ZNF365: variants seen among roughly 807,000 people sequenced by gnomAD.
ZNF365 encodes the protein zinc finger protein 365.
Under a neutral mutation model 35.0 loss-of-function variants are expected in ZNF365, and 22 were observed. The ratio of observed to expected loss-of-function variants is 0.63; its 90% confidence interval spans 0.45 to 0.90. ZNF365 has a LOEUF of 0.90. ZNF365 is among the 40% of genes least tolerant of loss of function. The probability of loss-of-function intolerance (pLI) is 0.00; values close to 1 mark genes in which losing one functional copy is unlikely to be tolerated. For missense variants in ZNF365, 448 were observed against 500.3 expected (o/e 0.90, Z 1.00); for synonymous variants, 188 against 196.2 (o/e 0.96, Z 0.35).
intron 3 of ZNF365, among the ~76,000 whole-genome samples, chr10:62,446,688 A>G (rs1207674787): frequency 6.6e-6 from 1 of 152,146 alleles, no homozygotes; most frequent in Non-Finnish European, 1.5e-5. Context: ...GGGGGAAAAA[A>G]TCCATTCAAA....
At chr10:62,418,817 AG>A (rs1334251600) in intron 3 of ZNF365, among the ~76,000 whole-genome samples, 4 of 152,234 alleles carry the variant, frequency 2.6e-5, no homozygotes, top group Admixed American at 2.6e-4. Flanking sequence ...AGGCAGATAA[AG>A]CCTAGAAGAG....
At chr10:62,467,018 T>A (rs1270800569) in intron 4 of ZNF365, among the ~76,000 whole-genome samples, 1 of 152,146 alleles carries the variant, frequency 6.6e-6, no homozygotes, top group Admixed American at 6.5e-5. Flanking sequence ...AGACCATTAA[T>A]GAGAAAAACA....
At position 62,418,192 on chromosome 10, in the gene ZNF365, A is replaced by G. The variant is rs150094371; in HGVS notation, c.924+29616A>G. On this transcript the variant is annotated intron_variant, in intron 3 of 4. Transcript: ENST00000395255. ...GTATTGATATTTGAACATCAAAATG[A>G]AAGTCTCAACCCTGGTCAATATTTC... 6.8e-4 allele frequency among the ~76,000 whole-genome samples: 103 copies of G among 152,178 alleles called. 1 individual carries two copies. Among genetic ancestry groups the G allele is most frequent in the African/African-American group, 2.3e-3 (97 of 41,550 alleles).
At chr10:62,441,448 TAG>T (rs776165862) in intron 3 of ZNF365, among the ~76,000 whole-genome samples, 5 of 152,166 alleles carry the variant, frequency 3.3e-5, no homozygotes, top group Non-Finnish European at 5.9e-5. Context: ...CTTTATTTTA[TAG>T]ATAAGAAAAT....
At chr10:62,445,980 G>T (rs1397202818) in intron 3 of ZNF365, among the ~76,000 whole-genome samples, 1 of 152,128 alleles carries the variant, frequency 6.6e-6, no homozygotes, top group East Asian at 1.9e-4. Flanking sequence ...TATAGATTGG[G>T]TTGAGCTGAT....
intron 3 of ZNF365, chr10:62,459,735 T>C (rs1283940878): frequency 6.2e-7 from 1 of 1,607,604 alleles, no homozygotes; most frequent in Non-Finnish European, 8.5e-7. Flanking sequence ...CTTCTTTTCC[T>C]TTCAGAGCTG....
At chr10:62,469,427 T>C (rs1212289048) in intron 4 of ZNF365, among the ~76,000 whole-genome samples, 1 of 152,174 alleles carries the variant, frequency 6.6e-6, no homozygotes, top group African/African-American at 2.4e-5. Context: ...CAGTTAGTAA[T>C]GTAAAAAAAG....
intron 3 of ZNF365, among the ~76,000 whole-genome samples, chr10:62,445,889 C>T (rs929842568): frequency 3.3e-5 from 5 of 152,036 alleles, no homozygotes; most frequent in Admixed American, 1.3e-4. Flanking sequence ...TGGAACGAGG[C>T]AGAGATCCAG....
intron 3 of ZNF365, among the ~76,000 whole-genome samples, chr10:62,409,171 T>TGGCTGTGTA (rs1329330836): frequency 6.6e-6 from 1 of 152,134 alleles, no homozygotes; most frequent in African/African-American, 2.4e-5. Flanking sequence ...AGGAATTAAC[T>TGGCTGTGTA]TAAAGAGGTA....
intron 3 of ZNF365, among the ~76,000 whole-genome samples, chr10:62,455,376 A>T (rs554399817): frequency 6.6e-6 from 1 of 152,198 alleles, no homozygotes; most frequent in African/African-American, 2.4e-5. Flanking sequence ...GATGTAGAAC[A>T]CTGTTCATCT....
At chr10:62,463,548 C>T (rs1367973068) in intron 4 of ZNF365, among the ~76,000 whole-genome samples, 1 of 152,214 alleles carries the variant, frequency 6.6e-6, no homozygotes, top group Non-Finnish European at 1.5e-5. Flanking sequence ...ATGCAGATTT[C>T]TTGTGAGCAA....
At chr10:62,479,106 T>C (rs1044254511) in intron 4 of ZNF365, among the ~76,000 whole-genome samples, 2 of 152,170 alleles carry the variant, frequency 1.3e-5, no homozygotes, top group African/African-American at 4.8e-5. Flanking sequence ...AGTCATTCTG[T>C]CCAATTAAAG....
intron 3 of ZNF365, among the ~76,000 whole-genome samples, chr10:62,415,107 C>T (rs149794173): frequency 1.5e-3 from 227 of 152,128 alleles, no homozygotes; most frequent in African/African-American, 5.2e-3. Flanking sequence ...ATATTAATTA[C>T]AGTAAAAGTC....
At chr10:62,438,312 C>A (rs1024567415) in intron 3 of ZNF365, among the ~76,000 whole-genome samples, 3 of 151,962 alleles carry the variant, frequency 2.0e-5, no homozygotes, top group Non-Finnish European at 4.4e-5. Flanking sequence ...CCTCAGCCTC[C>A]CTGGTAGCTG....
At chr10:62,480,240 A>T (rs1841201324) in exon 5 of ZNF365, 1 of 1,032,086 alleles carries the variant, frequency 9.7e-7, no homozygotes, top group Admixed American at 5.6e-5. Flanking sequence ...TTAGCTTGGG[A>T]CATGGCAGGT....
At chr10:62,443,858 T>TA (rs1174973974) in intron 3 of ZNF365, among the ~76,000 whole-genome samples, 3 of 151,562 alleles carry the variant, frequency 2.0e-5, no homozygotes, top group South Asian at 2.1e-4. Context: ...AATGTTAACT[T>TA]AAAAAAAAAT....
intron 3 of ZNF365, among the ~76,000 whole-genome samples, chr10:62,445,499 G>T (rs559190868): frequency 6.6e-6 from 1 of 152,308 alleles, no homozygotes; most frequent in Admixed American, 6.5e-5. Context: ...GAGCAGGGGT[G>T]AGGCAGCCCC....
rs538049185 is a variant in ZNF365 at position 62,452,054 on chromosome 10, G to A, written c.925-7687G>A. ...TACCAGTGCAGAAACTGAATTTCGG[G>A]GAAGTTGTGATTCCCGAAGGTCTAT... On this transcript the variant is annotated intron_variant, in intron 3 of 4. Coordinates refer to the ZNF365 transcript ENST00000395255. Among the ~76,000 whole-genome samples the A allele has an allele frequency of 1.1e-4, 16 of 152,294 alleles. 1 individual carries two copies. The South Asian group carries it at 2.7e-3, about 26-fold the overall frequency.
chr10:62,392,940 T>C (rs1024957732), intron 3 of ZNF365, among the ~76,000 whole-genome samples: 14 of 152,226 alleles, frequency 9.2e-5, no homozygotes, highest in African/African-American at 3.4e-4. Flanking sequence ...CCCTATGTGC[T>C]TATTTTTATA....
Sources: gnomAD v4.1 joint callset for allele counts (sites outside exome capture counted in the v4.1 genomes callset) on GRCh38, gnomAD v4.1.1 for gene constraint, MANE v1.5 for transcripts, NCBI Gene and HGNC (gene_info 2026-07-23, HGNC 2026-07-21) for gene names.